GAPVD1: variants seen among roughly 807,000 people sequenced by gnomAD.
The protein encoded by GAPVD1 is GTPase-activating protein and VPS9 domain-containing protein 1.
Under a neutral mutation model 155.5 loss-of-function variants are expected in GAPVD1, and 35 were observed. The ratio of observed to expected loss-of-function variants is 0.23; its 90% CI spans 0.17 to 0.30. The LOEUF (loss-of-function observed/expected upper bound fraction) is 0.30. GAPVD1 is among the 10% of genes least tolerant of loss of function. The pLI, the probability that GAPVD1 is intolerant of heterozygous loss-of-function variation, is 1.00. For synonymous variants in GAPVD1, 636 were observed against 619.7 expected, an observed-to-expected ratio of 1.03 and a Z score of -0.39; for missense variants, 1,429 against 1,775.7, an observed-to-expected ratio of 0.80 and a Z score of 3.51.
intron 12 of GAPVD1, among the ~76,000 whole-genome samples, chr9:125,326,826 CA>C (rs545657422): frequency 1.1e-3 from 146 of 129,860 alleles, no homozygotes; most frequent in Middle Eastern, 8.0e-3. Flanking sequence ...CCCAGCTGCC[CA>C]AAAAAAAAAA....
chr9:125,328,372 A>G (rs1482354574), intron 12 of GAPVD1, among the ~76,000 whole-genome samples: 7 of 133,432 alleles, frequency 5.2e-5, no homozygotes, highest in Admixed American at 7.5e-5. Flanking sequence ...TGTGTCCCTG[A>G]TTACTTGAGA....
At chr9:125,310,224 G>C (rs972859718) in intron 8 of GAPVD1, among the ~76,000 whole-genome samples, 6 of 151,990 alleles carry the variant, frequency 3.9e-5, no homozygotes, top group African/African-American at 1.5e-4. Flanking sequence ...TAAAAGATAG[G>C]GTGAGCAAAT....
rs1384821879 is a variant in GAPVD1 at position 125,366,354 on chromosome 9, G to A, written c.*3608G>A. 6.6e-6 allele frequency: 1 copy of A among 152,160 alleles called. No homozygotes were observed. The highest frequency in any genetic ancestry group is 2.4e-5 in the African/African-American group (1 of 41,430). 9.4% of individuals were successfully genotyped at this position (152,160 alleles called of 1,614,324 possible). ...ACTTTGGACCGAGTAAGGTCAACTA[G>A]GTGTTTTAAAATTGTTTTTCTCCTA... On this transcript the variant is annotated 3_prime_UTR_variant, in exon 28 of 28. Transcript: ENST00000297933.
intron 8 of GAPVD1, among the ~76,000 whole-genome samples, chr9:125,311,460 A>G (rs1467158012): frequency 6.6e-6 from 1 of 152,112 alleles, no homozygotes; most frequent in African/African-American, 2.4e-5. Flanking sequence ...CGTCTCTACT[A>G]AAAGTACAAA....
chr9:125,306,894 C>T (rs983592644), intron 6 of GAPVD1, among the ~76,000 whole-genome samples: 1 of 152,280 alleles, frequency 6.6e-6, no homozygotes, highest in East Asian at 1.9e-4. Context: ...CTTTGGGAAG[C>T]TGAGGTGGAC....
intron 2 of GAPVD1, among the ~76,000 whole-genome samples, chr9:125,280,310 C>T (rs1030203270): frequency 1.4e-5 from 2 of 143,160 alleles, no homozygotes; most frequent in African/African-American, 5.2e-5. Context: ...GCAGGAGAAT[C>T]GCTTGAACCC....
intron 2 of GAPVD1, among the ~76,000 whole-genome samples, chr9:125,290,976 C>T (rs554367476): frequency 1.5e-5 from 2 of 136,648 alleles, no homozygotes; most frequent in Admixed American, 7.9e-5. Context: ...TGGGCAACAG[C>T]AAGACCCTGT....
chr9:125,332,338 G>A (rs957161247), intron 14 of GAPVD1, among the ~76,000 whole-genome samples, 172 bp from the exon 15 acceptor site: 9 of 152,156 alleles, frequency 5.9e-5, no homozygotes, highest in African/African-American at 2.2e-4. Context: ...GTTGTGTAAA[G>A]CAAGGTAAGT....
At chr9:125,321,243 T>C (rs1247527381) in intron 9 of GAPVD1, among the ~76,000 whole-genome samples, 190 bp from the exon 10 acceptor site, 1 of 152,210 alleles carries the variant, frequency 6.6e-6, no homozygotes, top group Non-Finnish European at 1.5e-5. Flanking sequence ...TGGAAAGGCA[T>C]GGCTTCAGCT....
intron 2 of GAPVD1, among the ~76,000 whole-genome samples, chr9:125,276,549 C>T (rs756496611): frequency 3.3e-5 from 5 of 152,016 alleles, no homozygotes; most frequent in Non-Finnish European, 5.9e-5. Flanking sequence ...ATTAGCTGAG[C>T]GTGATGGTGT....
Position 125,324,937 on chromosome 9 carries a change from G to A in GAPVD1, c.1858+1014G>A, listed in dbSNP as rs527403977. 2.6e-5 allele frequency among the ~76,000 whole-genome samples: 4 copies of A among 152,050 alleles called. No homozygotes were observed. The East Asian group carries it at 7.8e-4, about 30-fold the overall frequency. On this transcript the variant is annotated intron_variant, in intron 11 of 27. Transcript: ENST00000297933. ...TTTGGATTTGTTCATTTAAGATGAT[G>A]CCCTTGGCCAGGTACAGTGGCTCGT...
chr9:125,348,508 C>A lies in GAPVD1; in HGVS notation c.3170-882C>A, dbSNP rs191145175. On this transcript the variant is annotated intron_variant, in intron 20 of 27. Coordinates refer to ENST00000297933, the MANE Select transcript of GAPVD1 (RefSeq NM_001282680.3). ...ACATGTATGTGTTGTATTATATGTT[C>A]TTTTGTGTGTGTGGTTTTTTTCGAG... Among the ~76,000 whole-genome samples the A allele has an allele frequency of 2.0e-5, 3 of 151,878 alleles. No individual in the cohort carries two copies. The East Asian group carries it at 5.8e-4, about 29-fold the overall frequency.
intron 5 of GAPVD1, 100 bp from the exon 6 acceptor site, chr9:125,304,962 AC>A: frequency 1.3e-6 from 1 of 742,174 alleles, no homozygotes; most frequent in Middle Eastern, 2.4e-4. Flanking sequence ...GTATTATGAA[AC>A]AGATTTTTAG....
At chr9:125,359,682 A>G in intron 26 of GAPVD1, 190 bp downstream of exon 26, 1 of 535,654 alleles carries the variant, frequency 1.9e-6, no homozygotes, top group Non-Finnish European at 3.3e-6. Flanking sequence ...CTGGTATGAA[A>G]TAGTAGAAAG....
At chr9:125,294,203 G>A (rs904698675) in intron 2 of GAPVD1, among the ~76,000 whole-genome samples, 3 of 151,738 alleles carry the variant, frequency 2.0e-5, no homozygotes, top group Middle Eastern at 3.2e-3. Flanking sequence ...ACTGTGCCTG[G>A]CCAATTTTTA....
At chr9:125,339,276 A>G (rs1366776576) in intron 17 of GAPVD1, among the ~76,000 whole-genome samples, 2 of 152,094 alleles carry the variant, frequency 1.3e-5, no homozygotes, top group African/African-American at 4.8e-5. Flanking sequence ...GGCGTGAGCC[A>G]CCCACAGTGC....
At chr9:125,355,432 T>A (rs912731048) in intron 24 of GAPVD1, among the ~76,000 whole-genome samples, 5 of 152,204 alleles carry the variant, frequency 3.3e-5, no homozygotes, top group Non-Finnish European at 7.3e-5. Context: ...ACAAATTCCT[T>A]GCACTTAAAC....
chr9:125,318,271 G>A (rs1843742913), intron 9 of GAPVD1, among the ~76,000 whole-genome samples: 1 of 152,222 alleles, frequency 6.6e-6, no homozygotes, highest in Non-Finnish European at 1.5e-5. Context: ...AGAGGCGTGA[G>A]CCACTGTGGC....
intron 25 of GAPVD1, 118 bp downstream of exon 25, chr9:125,355,975 G>T (rs893507517): frequency 3.1e-6 from 2 of 651,074 alleles, no homozygotes; most frequent in East Asian, 2.7e-5. Flanking sequence ...AAATTCATTG[G>T]TTACCATTTT....
Sources: gnomAD v4.1 joint callset for allele counts (sites outside exome capture counted in the v4.1 genomes callset) on GRCh38, gnomAD v4.1.1 for gene constraint, MANE v1.5 for transcripts, NCBI Gene and HGNC (gene_info 2026-07-23, HGNC 2026-07-21) for gene names.